Variants in ATAD2B observed in about 807,000 individuals in gnomAD.
ATAD2B encodes ATPase family AAA domain containing 2B, also known as ATPase family AAA domain-containing protein 2B.
Under a neutral mutation model 167.6 loss-of-function variants are expected in ATAD2B, and 40 were observed. The ratio of observed to expected loss-of-function variants is 0.24; its 90% confidence interval spans 0.19 to 0.31. The LOEUF is 0.31. ATAD2B is among the 10% of genes least tolerant of loss of function. ATAD2B has a pLI of 1.00. For synonymous variants in ATAD2B, 579 were observed against 596.5 expected (o/e 0.97, Z 0.43); for missense variants, 1,242 against 1,757.2 (o/e 0.71, Z 5.24).
At chr2:23,887,247 G>A (rs1489348387) in intron 4 of ATAD2B, among the ~76,000 whole-genome samples, 4 of 151,856 alleles carry the variant, frequency 2.6e-5, no homozygotes, top group East Asian at 3.9e-4. Flanking sequence ...CTGGGCGAGG[G>A]ATTGAGGTCT....
At chr2:23,808,266 G>A (rs1443442551) in intron 18 of ATAD2B, among the ~76,000 whole-genome samples, 1 of 147,176 alleles carries the variant, frequency 6.8e-6, no homozygotes, top group African/African-American at 2.5e-5. Flanking sequence ...AAGAATACAT[G>A]AGACTAGCCC....
chr2:23,785,041 T>C (rs1414377540), intron 21 of ATAD2B, among the ~76,000 whole-genome samples: 1 of 151,914 alleles, frequency 6.6e-6, no homozygotes, highest in Non-Finnish European at 1.5e-5. Context: ...AAGGTACAAA[T>C]AAAATTATAG....
intron 17 of ATAD2B, among the ~76,000 whole-genome samples, chr2:23,816,145 G>A (rs1686409160): frequency 6.6e-6 from 1 of 152,216 alleles, no homozygotes; most frequent in Non-Finnish European, 1.5e-5. Flanking sequence ...TTAAAAGACA[G>A]TGCTCAGAAT....
At chr2:23,738,167 G>A in the ATAD2B span, among the ~76,000 whole-genome samples, 2 of 152,172 alleles carry the variant, frequency 1.3e-5, no homozygotes, top group African/African-American at 4.8e-5. Flanking sequence ...TAGCAAGGCA[G>A]GCCAACATTC....
At chr2:23,701,326 G>A in the ATAD2B span, among the ~76,000 whole-genome samples, 2 of 152,190 alleles carry the variant, frequency 1.3e-5, no homozygotes, top group East Asian at 1.9e-4. Context: ...TAGTCTCCCC[G>A]CTTCTGACCT....
the ATAD2B span, among the ~76,000 whole-genome samples, chr2:23,743,348 T>C: frequency 6.6e-6 from 1 of 151,858 alleles, no homozygotes; most frequent in African/African-American, 2.4e-5. Context: ...AGGTGGATCA[T>C]TTGAGGTCAG....
At chr2:23,888,180 G>C (rs915743134) in intron 3 of ATAD2B, among the ~76,000 whole-genome samples, 170 bp downstream of exon 3, 1 of 152,106 alleles carries the variant, frequency 6.6e-6, no homozygotes, top group African/African-American at 2.4e-5. Flanking sequence ...CAGGTATGCT[G>C]ATTTCTCAAA....
At chr2:23,763,606 T>C (rs747099751) in intron 23 of ATAD2B, among the ~76,000 whole-genome samples, 4 of 152,196 alleles carry the variant, frequency 2.6e-5, no homozygotes, top group Non-Finnish European at 4.4e-5. Context: ...GTTTTTTTTG[T>C]TGAGACAACA....
chr2:23,809,428 G>T (rs529858430), intron 18 of ATAD2B, among the ~76,000 whole-genome samples: 2 of 152,180 alleles, frequency 1.3e-5, no homozygotes, highest in East Asian at 3.9e-4. Flanking sequence ...CATATTTCTT[G>T]CTACAATGTA....
chr2:23,897,469 T>C (rs1368553824), intron 1 of ATAD2B, among the ~76,000 whole-genome samples: 3 of 152,214 alleles, frequency 2.0e-5, no homozygotes, highest in Non-Finnish European at 4.4e-5. Context: ...CATTATCAAA[T>C]ACCACAAAGA....
chr2:23,803,078 G>A (rs888057506), intron 18 of ATAD2B, among the ~76,000 whole-genome samples: 5 of 152,040 alleles, frequency 3.3e-5, no homozygotes, highest in Admixed American at 6.6e-5. Context: ...AAATATACAG[G>A]AGGCAAAAAT....
intron 13 of ATAD2B, among the ~76,000 whole-genome samples, chr2:23,854,678 CAAAAA>C (rs796112621): frequency 1.3e-5 from 1 of 75,576 alleles, no homozygotes; most frequent in Non-Finnish European, 2.6e-5. Flanking sequence ...GACTTCGTCT[CAAAAA>C]AAAAAAAAAA....
intron 1 of ATAD2B, among the ~76,000 whole-genome samples, chr2:23,920,884 T>C (rs879452971): frequency 1.3e-5 from 2 of 152,156 alleles, no homozygotes; most frequent in Non-Finnish European, 2.9e-5. Flanking sequence ...AACATTCTTA[T>C]TGAAAGACCA....
chr2:23,894,184 T>A (rs1699895852), intron 2 of ATAD2B, among the ~76,000 whole-genome samples: 1 of 151,984 alleles, frequency 6.6e-6, no homozygotes, highest in African/African-American at 2.4e-5. Flanking sequence ...TATGAAAGAC[T>A]TCTATATGAA....
chr2:23,865,406 G>A (rs1694989270), intron 10 of ATAD2B, among the ~76,000 whole-genome samples: 1 of 151,992 alleles, frequency 6.6e-6, no homozygotes, highest in Non-Finnish European at 1.5e-5. Context: ...GCGCACGCCT[G>A]TAATCCCAGC....
Position 23,879,858 on chromosome 2 carries a change from C to G in ATAD2B, c.901+781G>C, listed in dbSNP as rs549083125. On this transcript the variant is annotated intron_variant, in intron 7 of 27. Transcript: ENST00000238789. Reference sequence around the variant, plus strand: ...TCACCTGAGGTCAGGAGTTCGAGACCAGCCTGGCCAGCATGGTGAAACCCT... The same window carrying G: ...TCACCTGAGGTCAGGAGTTCGAGACGAGCCTGGCCAGCATGGTGAAACCCT... Among the ~76,000 whole-genome samples, 6 of 151,986 alleles carry G rather than the reference C, an allele frequency of 3.9e-5. No individual in the cohort carries two copies. The East Asian group carries it at 1.2e-3, about 29-fold the overall frequency.
the ATAD2B span, chr2:23,706,351 G>A: frequency 1.4e-5 from 9 of 643,116 alleles, no homozygotes; most frequent in Non-Finnish European, 2.1e-5. Context: ...GGCAAAGAAG[G>A]GCAGCAAGAT....
At chr2:23,686,477 G>C in the ATAD2B span, among the ~76,000 whole-genome samples, 1 of 152,142 alleles carries the variant, frequency 6.6e-6, no homozygotes, top group Non-Finnish European at 1.5e-5. Context: ...TGGTTCAAGT[G>C]ATGCCCAGGT....
At chr2:23,862,090 G>A (rs1694456681) in intron 12 of ATAD2B, among the ~76,000 whole-genome samples, 1 of 152,000 alleles carries the variant, frequency 6.6e-6, no homozygotes, top group Admixed American at 6.6e-5. Flanking sequence ...GTTCTACCTA[G>A]AGAGGCCAAG....
Sources: gnomAD v4.1 joint callset for allele counts (sites outside exome capture counted in the v4.1 genomes callset) on GRCh38, gnomAD v4.1.1 for gene constraint, MANE v1.5 for transcripts, NCBI Gene and HGNC (gene_info 2026-07-23, HGNC 2026-07-21) for gene names.